TCP11L2: variants seen among roughly 807,000 people sequenced by gnomAD.
The protein encoded by TCP11L2 is T-complex protein 11-like protein 2.
TCP11L2 carries 39 observed loss-of-function variants against 50.7 expected under a neutral mutation model. The observed-to-expected ratio is 0.77, with a 90% CI of 0.60 to 1.01. The LOEUF (loss-of-function observed/expected upper bound fraction) is 1.01, where lower values mean the gene tolerates loss of function less well. Ranked by LOEUF, TCP11L2 falls within the 50% of genes least tolerant of loss-of-function variation. The pLI is 0.00. For missense variants in TCP11L2, 612 were observed against 614.7 expected (o/e 1.00, Z 0.05); for synonymous variants, 192 against 219.3 (o/e 0.88, Z 1.10).
chr12:106,324,234 T>C (rs1055196483), intron 6 of TCP11L2: 3 of 152,098 alleles, frequency 2.0e-5, no homozygotes, highest in South Asian at 2.1e-4. Context: ...GTAAGTAACA[T>C]TTGAGTAAAG....
intron 6 of TCP11L2, chr12:106,329,650 G>C: frequency 7.8e-7 from 1 of 1,277,624 alleles, no homozygotes; most frequent in East Asian, 3.3e-5. Context: ...AGCCAGGATT[G>C]AGAACCACTA....
chr12:106,300,835 C>G (rs927061455), upstream of TCP11L2, among the ~76,000 whole-genome samples: 1 of 152,166 alleles, frequency 6.6e-6, no homozygotes, highest in Non-Finnish European at 1.5e-5. Context: ...AGCTACATAT[C>G]TGAACTTTAA....
intron 1 of TCP11L2, chr12:106,303,146 C>T (rs1330832212): frequency 2.6e-5 from 4 of 152,122 alleles, no homozygotes; most frequent in Non-Finnish European, 5.9e-5. Context: ...ACTGCCGTCC[C>T]GCGTGGGAGC....
intron 8 of TCP11L2, among the ~76,000 whole-genome samples, chr12:106,337,403 C>T (rs1356806718): frequency 6.6e-6 from 1 of 152,184 alleles, no homozygotes; most frequent in African/African-American, 2.4e-5. Context: ...CCTGATCTGA[C>T]CTTTCTCCTG....
intron 1 of TCP11L2, among the ~76,000 whole-genome samples, chr12:106,306,850 TC>T (rs2034649841): frequency 6.6e-6 from 1 of 152,170 alleles, no homozygotes; most frequent in Non-Finnish European, 1.5e-5. Context: ...GGAGCCGGGA[TC>T]AAGAACCCAG....
chr12:106,324,491 G>C (rs1020710290), intron 6 of TCP11L2: 2 of 152,140 alleles, frequency 1.3e-5, no homozygotes, highest in Admixed American at 1.3e-4. Context: ...TTCCATGTGC[G>C]GTGGAAACTC....
At chr12:106,300,377 C>G (rs1216706203), upstream of TCP11L2, among the ~76,000 whole-genome samples, 1 of 152,080 alleles carries the variant, frequency 6.6e-6, no homozygotes, top group Admixed American at 6.6e-5. Flanking sequence ...TCGCCCAGGC[C>G]GGAGTAAAGT....
In TCP11L2 at chr12:106,335,671, G is replaced by C. The variant is rs150899007; in HGVS notation, c.805G>C (p.Glu269Gln). 7.7e-5 allele frequency: 124 copies of C among 1,614,002 alleles called. No individual in the cohort carries two copies. The highest frequency in any genetic ancestry group is 1.7e-4 in the Admixed American group (10 of 59,992). ...ALDQTTEWIKESVNEELFSLS... is the reference protein window; with the variant it reads ...ALDQTTEWIKQSVNEELFSLS... ...TGATCAGACTACAGAATGGATAAAA[G>C]AATCTGTAAATGAAGAATTATTTTC... Residue 269 changes from glutamate (E) to glutamine (Q), a missense_variant, in exon 7 of 10, where the codon GAA (glutamate) becomes CAA (glutamine). Physicochemically the swap from Glu to Gln is conservative, Grantham distance 29. Coordinates refer to ENST00000299045, the MANE Select transcript of TCP11L2 (RefSeq NM_152772.3).
At chr12:106,329,615 A>G (rs1218413519) in intron 6 of TCP11L2, 1 of 1,336,118 alleles carries the variant, frequency 7.5e-7, no homozygotes, top group Non-Finnish European at 9.6e-7. Flanking sequence ...TTCCTTTTTA[A>G]AGCTCCCCAG....
At chr12:106,336,773 G>A (rs561658311) in intron 8 of TCP11L2, among the ~76,000 whole-genome samples, 1 of 151,964 alleles carries the variant, frequency 6.6e-6, no homozygotes, top group East Asian at 1.9e-4. Context: ...GGATGGTCTC[G>A]ATCTCTTGAC....
chr12:106,329,243 T>A, intron 6 of TCP11L2: 1 of 1,491,642 alleles, frequency 6.7e-7, no homozygotes, highest in Non-Finnish European at 9.0e-7. Context: ...TCCCCAGTAC[T>A]TGGTACAATA....
chr12:106,340,105 C>T (rs750156477), intron 8 of TCP11L2, among the ~76,000 whole-genome samples: 1 of 152,100 alleles, frequency 6.6e-6, no homozygotes, highest in Admixed American at 6.6e-5. Flanking sequence ...CCTTTAATTC[C>T]CATTTTGCAG....
chr12:106,313,856 C>T (rs796161051), intron 2 of TCP11L2, among the ~76,000 whole-genome samples: 8 of 149,582 alleles, frequency 5.3e-5, no homozygotes, highest in African/African-American at 2.0e-4. Flanking sequence ...AGCTCCTCCT[C>T]CTGGGTTCAC....
rs201700636 is a variant in TCP11L2, at chr12:106,340,797, C to T, written c.1143-29C>T. The T allele has an allele frequency of 9.0e-5, 139 of 1,543,550 alleles. 1 individual carries two copies. In the African/African-American group the frequency reaches 1.7e-3, roughly 19 times the overall value. ...ATAACTTGATGAACAAAAACTTTCC[C>T]TGGTGGAATTTCATTTTATGTTTCA... On this transcript the variant is annotated intron_variant, in intron 8 of 9. Transcript: ENST00000299045.
chr12:106,343,379 G>A (rs1199027895), intron 9 of TCP11L2, among the ~76,000 whole-genome samples: 2 of 152,196 alleles, frequency 1.3e-5, no homozygotes, highest in Admixed American at 1.3e-4. Context: ...ATGTATGCCT[G>A]CAGAGGAGTT....
chr12:106,306,168 A>G (rs2034627214), intron 1 of TCP11L2, among the ~76,000 whole-genome samples: 1 of 152,224 alleles, frequency 6.6e-6, no homozygotes, highest in African/African-American at 2.4e-5. Context: ...TCAAAACTGC[A>G]AGAGGTTGGA....
chr12:106,318,974 C>T (rs955247690), intron 4 of TCP11L2, among the ~76,000 whole-genome samples: 1 of 151,842 alleles, frequency 6.6e-6, no homozygotes, highest in African/African-American at 2.4e-5. Context: ...TGCAGTGGCG[C>T]AATCTCGGCT....
intron 6 of TCP11L2, among the ~76,000 whole-genome samples, chr12:106,334,257 A>G (rs1374001912): frequency 1.3e-5 from 2 of 152,196 alleles, no homozygotes; most frequent in African/African-American, 4.8e-5. Context: ...TGTTTAAAAA[A>G]GGTAGGAAGG....
chr12:106,311,060 A>T lies in TCP11L2; in HGVS notation c.-16A>T. On this transcript the variant is annotated 5_prime_UTR_variant, in exon 2 of 10. Transcript: ENST00000299045. The stretch of plus-strand genomic sequence containing the variant: ...GTGCAGGTGCTACCTTTTTACCCAC[A>T]CTTAAGTGACGCAAAATGCCCTTCA... The T allele has an allele frequency of 1.9e-6, 3 of 1,613,530 alleles. No individual in the cohort carries two copies. Among genetic ancestry groups the T allele is most frequent in the Non-Finnish European group, 2.5e-6 (3 of 1,179,638 alleles).
Sources: gnomAD v4.1 joint callset for allele counts (sites outside exome capture counted in the v4.1 genomes callset) on GRCh38, gnomAD v4.1.1 for gene constraint, MANE v1.5 for transcripts, NCBI Gene and HGNC (gene_info 2026-07-23, HGNC 2026-07-21) for gene names.